The following RWDD2B variants were observed in gnomAD, a reference collection of about 807,000 sequenced individuals.
RWDD2B encodes RWD domain-containing protein 2B.
RWDD2B carries 36 observed loss-of-function variants against 33.6 expected under a neutral mutation model. That is an observed-to-expected ratio of 1.07 (90% CI 0.82 to 1.42). The LOEUF is 1.42. Among genes scored for constraint, RWDD2B ranks in the 40% most tolerant of loss-of-function variants. The pLI is 0.00. For missense variants in RWDD2B, 364 were observed against 377.5 expected (o/e 0.96, Z 0.30); for synonymous variants, 126 against 133.1 (o/e 0.95, Z 0.37).
At chr21:29,011,288 G>A (rs1246894567) in intron 1 of RWDD2B, among the ~76,000 whole-genome samples, 3 of 143,664 alleles carry the variant, frequency 2.1e-5, no homozygotes, top group African/African-American at 5.3e-5. Flanking sequence ...GCCGCCCATC[G>A]TCTGAGATGT....
intron 1 of RWDD2B, among the ~76,000 whole-genome samples, chr21:29,010,595 G>T (rs370814564): frequency 1.6e-5 from 2 of 123,912 alleles, no homozygotes; most frequent in Admixed American, 8.0e-5. Flanking sequence ...CAAAAAGAGT[G>T]AAACTCCGTC....
Position 29,011,000 on chromosome 21 carries a change from C to T in RWDD2B, c.68-2379G>A, listed in dbSNP as rs539206931. 2.8e-4 allele frequency among the ~76,000 whole-genome samples: 43 copies of T among 152,222 alleles called. No homozygotes were observed. In the South Asian group the frequency reaches 8.9e-3, roughly 32 times the overall value. ...TGGTGCCCAGGCTGGAGTGCAGTGG[C>T]GTGATCTCGGCTCGCTACAACCTCC... On this transcript the variant is annotated intron_variant, in intron 1 of 4. Coordinates refer to ENST00000493196, the MANE Select transcript of RWDD2B (RefSeq NM_016940.3).
intron 1 of RWDD2B, among the ~76,000 whole-genome samples, chr21:29,015,528 C>A (rs1474202489): frequency 1.7e-5 from 2 of 114,702 alleles, no homozygotes; most frequent in African/African-American, 3.3e-5. Flanking sequence ...CACACCTAGT[C>A]TTTTTTTTTT....
intron 1 of RWDD2B, among the ~76,000 whole-genome samples, 181 bp downstream of exon 1, chr21:29,019,030 G>C (rs1037694476): frequency 6.6e-6 from 1 of 152,174 alleles, no homozygotes. Flanking sequence ...GAGGTCCCCG[G>C]CTGGAGCAGG....
chr21:29,009,766 C>A (rs963358824), intron 1 of RWDD2B: 3 of 152,238 alleles, frequency 2.0e-5, no homozygotes, highest in South Asian at 2.1e-4. Flanking sequence ...GCTTAAGTCA[C>A]CCCTGTTAAC....
chr21:29,015,341 C>T (rs954914674), intron 1 of RWDD2B, among the ~76,000 whole-genome samples: 2 of 146,816 alleles, frequency 1.4e-5, no homozygotes, highest in African/African-American at 2.5e-5. Context: ...AGCAATTCTC[C>T]TGCCTCAGCC....
In RWDD2B at chr21:29,019,349, G is replaced by C. The variant is rs532685172; in HGVS notation, c.-72C>G. 1.9e-3 allele frequency: 1,814 copies of C among 967,060 alleles called. 24 individuals are homozygous for C. In the African/African-American group the frequency reaches 0.063, roughly 34 times the overall value. The allele number at this position is 967,060 out of a possible 1,614,324, so 59.9% of individuals were successfully genotyped here. A position where few individuals can be genotyped will look rare whatever the true frequency, so the allele number is the denominator to read the frequency against. On this transcript the variant is annotated 5_prime_UTR_variant, in exon 1 of 5. Coordinates refer to ENST00000493196, the MANE Select transcript of RWDD2B (RefSeq NM_016940.3). ...AAACCGCCTCAGCTGGCGACCTACC[G>C]GAAAAAAAAAAAAAAAGCATGCGGC...
At chr21:29,011,187 G>A (rs917064142) in intron 1 of RWDD2B, among the ~76,000 whole-genome samples, 3 of 150,572 alleles carry the variant, frequency 2.0e-5, no homozygotes, top group Admixed American at 6.6e-5. Context: ...AGTGAGGAGC[G>A]TCTCTGCCCA....
In RWDD2B at chr21:29,004,853, T is replaced by C. The variant is rs949051324; in HGVS notation, c.*1564A>G. ...CATTTTATTCCTTCAGATTTCTACATTGTATTACATAATATATGCTGTCTT... is the reference window on the plus strand; with the variant it reads ...CATTTTATTCCTTCAGATTTCTACACTGTATTACATAATATATGCTGTCTT... On this transcript the variant is annotated 3_prime_UTR_variant, in exon 5 of 5. Transcript: ENST00000493196. 6 of 152,262 alleles carry C rather than the reference T, an allele frequency of 3.9e-5. No individual in the cohort carries two copies. The highest frequency in any genetic ancestry group is 1.2e-4 in the African/African-American group (5 of 41,462). The allele number at this position is 152,262 out of a possible 1,614,324, so 9.4% of individuals were successfully genotyped here.
Position 29,018,561 on chromosome 21 carries a change from A to C in RWDD2B, c.67+650T>G, listed in dbSNP as rs561666605. On this transcript the variant is annotated intron_variant, in intron 1 of 4. Transcript: ENST00000493196. ...TAGCAAAGAAGAACGGGACGGAGGG[A>C]CTCTTGAACGGACAACTACGGGAGT... 3.3e-5 allele frequency among the ~76,000 whole-genome samples: 5 copies of C among 152,224 alleles called. 1 individual carries two copies. In the South Asian group the frequency reaches 1.0e-3, roughly 32 times the overall value.
In RWDD2B at chr21:29,006,275, C is replaced by T; in HGVS notation, c.*142G>A. ...CATGACATTTTTAACAGATGCATTT[C>T]AGCTATACTATTTTTTCTTGTGCCC... On this transcript the variant is annotated 3_prime_UTR_variant, in exon 5 of 5. Transcript: ENST00000493196. 1.8e-6 allele frequency: 1 copy of T among 556,394 alleles called. No homozygotes were observed. The highest frequency in any genetic ancestry group is 3.2e-6 in the Non-Finnish European group (1 of 313,162). The allele number at this position is 556,394 out of a possible 1,614,324, so 34.5% of individuals were successfully genotyped here. A position where few individuals can be genotyped will look rare whatever the true frequency, so the allele number is the denominator to read the frequency against.
At chr21:29,012,071 TGAG>T (rs1189745927) in intron 1 of RWDD2B, among the ~76,000 whole-genome samples, 31 of 128,878 alleles carry the variant, frequency 2.4e-4, no homozygotes, top group African/African-American at 5.1e-4. Flanking sequence ...TACTGGGAAG[TGAG>T]GAGCCCCTCT....
intron 1 of RWDD2B, 54 bp from the exon 2 acceptor site, chr21:29,008,675 G>A: frequency 8.6e-7 from 1 of 1,161,016 alleles, no homozygotes; most frequent in Non-Finnish European, 1.2e-6. Flanking sequence ...TGGAAGAAAT[G>A]AATACATCAA....
intron 1 of RWDD2B, among the ~76,000 whole-genome samples, chr21:29,014,327 C>T (rs902061535): frequency 2.0e-5 from 3 of 152,344 alleles, no homozygotes; most frequent in Admixed American, 6.5e-5. Context: ...GGAACTTTTT[C>T]AACCCTGCCT....
intron 1 of RWDD2B, among the ~76,000 whole-genome samples, chr21:29,014,095 G>T (rs2084878144): frequency 6.6e-6 from 1 of 152,212 alleles, no homozygotes; most frequent in Non-Finnish European, 1.5e-5. Flanking sequence ...TTGGCTTATT[G>T]TTCTGGAAGC....
chr21:29,011,126 C>T (rs994629627), intron 1 of RWDD2B, among the ~76,000 whole-genome samples: 1 of 152,034 alleles, frequency 6.6e-6, no homozygotes, highest in East Asian at 1.9e-4. Context: ...TGCCCGGCCA[C>T]CCATCGTCTG....
At chr21:29,007,321 GC>G (rs775591610) in intron 4 of RWDD2B, among the ~76,000 whole-genome samples, 3 of 152,222 alleles carry the variant, frequency 2.0e-5, no homozygotes, top group Non-Finnish European at 4.4e-5. Flanking sequence ...TGTGATTTCT[GC>G]CATATCCATC....
Position 29,008,239 on chromosome 21 carries a change from C to T in RWDD2B, c.362+1G>A, listed in dbSNP as rs202086822. 305 of 1,613,984 alleles carry T rather than the reference C, an allele frequency of 1.9e-4. No homozygotes were observed. The highest frequency in any genetic ancestry group is 2.3e-4 in the Non-Finnish European group (268 of 1,179,962). On this transcript the variant is annotated splice_donor_variant, in intron 3 of 4. Transcript: ENST00000493196. LOFTEE classifies it high-confidence loss of function. ...AGTTGGCCAGAGCTTCTGTAACGTA[C>T]CTGACAGTAATTTCAGGCAGAACTG... is the stretch of plus-strand genomic sequence containing the variant.
rs1217553247 is a variant in RWDD2B at position 29,007,973 on chromosome 21, T to C, written c.513A>G (p.Ser171=). ...CTGTGCTTCCTGTGGTGGGTGAAGA[T>C]GAAGTATCTCTGCTGACATAGCCAG... ...HASGYVSRDT[S]SSPTTGSTVQ... Residue 171 remains serine, a synonymous_variant, in exon 4 of 5, where the codon TCA becomes TCG. Coordinates refer to ENST00000493196, the MANE Select transcript of RWDD2B (RefSeq NM_016940.3). 6.2e-7 allele frequency: 1 copy of C among 1,614,244 alleles called. No homozygotes were observed. Among genetic ancestry groups the C allele is most frequent in the Non-Finnish European group, 8.5e-7 (1 of 1,180,042 alleles).
Sources: allele counts gnomAD v4.1 joint callset (sites outside exome capture counted in the v4.1 genomes callset), GRCh38; gene constraint gnomAD v4.1.1; transcripts MANE v1.5; gene names NCBI Gene and HGNC (gene_info 2026-07-23, HGNC 2026-07-21).